Variants in VWF observed in about 807,000 individuals in gnomAD.
VWF encodes von Willebrand factor.
A neutral mutation model predicts 308.6 loss-of-function variants in VWF; 176 were observed. The ratio of observed to expected loss-of-function variants is 0.57; its 90% confidence interval spans 0.50 to 0.65. VWF has a LOEUF of 0.65. VWF is among the 30% of genes least tolerant of loss of function. The probability of loss-of-function intolerance (pLI) is 0.00; values close to 1 mark genes in which losing one functional copy is unlikely to be tolerated. For missense variants in VWF, 3,146 were observed against 3,648.2 expected, an observed-to-expected ratio of 0.86 and a Z score of 3.55; for synonymous variants, 1,385 against 1,443.4, an observed-to-expected ratio of 0.96 and a Z score of 0.92.
intron 4 of VWF, 49 bp from the exon 5 acceptor site, chr12:6,110,631 G>T (rs753526249): frequency 2.0e-5 from 32 of 1,589,898 alleles, no homozygotes; most frequent in Non-Finnish European, 2.8e-5. Context: ...TGCATTTTCT[G>T]GATGTCTCTC....
rs1944262372 is a variant in VWF at position 6,031,499 on chromosome 12, T to C, written c.2765A>G (p.Lys922Arg). ...CTCCACCAGGATGGTGACCCGTTTC[T>C]TGCATTTCACTGAGGGGTGGCTGCA... ...KGCSHPSVKC[K>R]KRVTILVEGG... The change falls in exon 21 of 52, where the codon AAG (lysine) becomes AGG (arginine). Residue 922 changes from lysine to arginine, a missense_variant. Lys to Arg is a conservative substitution (Grantham distance 26). Transcript: ENST00000261405. 6.2e-7 allele frequency: 1 copy of C among 1,614,166 alleles called. No individual in the cohort carries two copies.
chr12:5,979,208 G>C (rs1362136071), intron 42 of VWF, among the ~76,000 whole-genome samples: 1 of 152,186 alleles, frequency 6.6e-6, no homozygotes, highest in African/African-American at 2.4e-5. Flanking sequence ...TTTGTCTAAA[G>C]TAATTTTATT....
chr12:6,011,897 C>A (rs1297687541), intron 33 of VWF, 103 bp from the exon 34 acceptor site: 2 of 1,370,336 alleles, frequency 1.5e-6, no homozygotes, highest in Non-Finnish European at 2.1e-6. Context: ...CACAGGCCTA[C>A]ACAGCAAGGA....
rs1591902164 is a variant in VWF, at chr12:6,075,230, T to G, written c.874+105A>C. 6.9e-7 allele frequency: 1 copy of G among 1,440,214 alleles called. No individual in the cohort carries two copies. Among genetic ancestry groups the G allele is most frequent in the African/African-American group, 1.4e-5 (1 of 71,672 alleles). 89.2% of individuals were successfully genotyped at this position (1,440,214 alleles called of 1,614,324 possible). ...GTAGTCACTGGCTGGCTGGGTGTGGTAAAGCCGCACATACGTGACACAGCC... is the reference window on the plus strand; with the variant it reads ...GTAGTCACTGGCTGGCTGGGTGTGGGAAAGCCGCACATACGTGACACAGCC... On this transcript the variant is annotated intron_variant, in intron 7 of 51. Transcript: ENST00000261405. This position sits in a 1 kb window ranked among gnomAD's most constrained non-coding sequence, Gnocchi z 4.7.
chr12:6,087,876 T>C (rs1944990643), intron 6 of VWF, among the ~76,000 whole-genome samples: 1 of 152,140 alleles, frequency 6.6e-6, no homozygotes, highest in South Asian at 2.1e-4. Flanking sequence ...TGCTGCTGAA[T>C]GATTCACCAC....
rs1040798280 is a variant in VWF at position 5,975,868 on chromosome 12, C to T, written c.7437+243G>A. The stretch of plus-strand genomic sequence containing the variant: ...TTTTCTTCTTACCCAGCCCTAACCC[C>T]CTCCCTCTTCCTCACCCCTAGCCTT... On this transcript the variant is annotated intron_variant, in intron 43 of 51. Transcript: ENST00000261405. 3.3e-5 allele frequency among the ~76,000 whole-genome samples: 5 copies of T among 152,166 alleles called. No individual in the cohort carries two copies. The East Asian group carries it at 7.7e-4, about 23-fold the overall frequency.
At chr12:6,013,362 C>T in intron 32 of VWF, 119 bp downstream of exon 32, 1 of 1,298,978 alleles carries the variant, frequency 7.7e-7, no homozygotes, top group South Asian at 1.2e-5. Flanking sequence ...AATCTTCATT[C>T]AAGGCCAAAT....
At chr12:6,068,728 A>T (rs966565596) in intron 10 of VWF, among the ~76,000 whole-genome samples, 2 of 151,340 alleles carry the variant, frequency 1.3e-5, no homozygotes, top group African/African-American at 4.9e-5. Context: ...ACCTCAAATG[A>T]TCCACCTGCC....
At chr12:6,071,416 A>T (rs2239156) in intron 9 of VWF, 73 bp from the exon 10 acceptor site, 188,839 of 1,545,536 alleles carry the variant, frequency 0.12, 14,368 homozygotes, top group African/African-American at 0.35. Flanking sequence ...TTTAGAGCTC[A>T]TGGTAGTTAT....
rs1319814107 is a variant in VWF, at chr12:6,056,989, G to C, written c.1813C>G (p.Leu605Val). The C allele has an allele frequency of 6.5e-7, 1 of 1,546,070 alleles. No individual in the cohort carries two copies. The highest frequency in any genetic ancestry group is 8.7e-7 in the Non-Finnish European group (1 of 1,150,576). ...CACACGTCGTAGCGGCAGTTCCGCA[G>C]GTAGGGCAGCGGGCTGACGGCACGA... The part of the protein sequence containing the change: ...CHRAVSPLPY[L>V]RNCRYDVCSC... Residue 605 changes from leucine to valine, a missense_variant, in exon 15 of 52, where the codon CTG (leucine) becomes GTG (valine). Coordinates refer to ENST00000261405, the MANE Select transcript of VWF (RefSeq NM_000552.5).
intron 3 of VWF, among the ~76,000 whole-genome samples, chr12:6,117,212 C>G (rs1482647889): frequency 1.3e-5 from 2 of 152,236 alleles, no homozygotes; most frequent in Non-Finnish European, 2.9e-5. Flanking sequence ...CAAGGGCAAA[C>G]AGCTTATAAG....
At chr12:6,009,403 A>G (rs188724127) in intron 34 of VWF, among the ~76,000 whole-genome samples, 17 of 147,332 alleles carry the variant, frequency 1.2e-4, no homozygotes, top group Admixed American at 1.1e-3. Flanking sequence ...ATCACCTCAT[A>G]CGTGCTAGAA....
At chr12:6,089,916 G>A (rs117739966) in intron 6 of VWF, among the ~76,000 whole-genome samples, 16 of 151,926 alleles carry the variant, frequency 1.1e-4, no homozygotes, top group Non-Finnish European at 2.2e-4. Flanking sequence ...ACAACTGTAT[G>A]TTTGGGAAAA....
chr12:6,089,066 A>G (rs1156704550), intron 6 of VWF, among the ~76,000 whole-genome samples: 3 of 152,152 alleles, frequency 2.0e-5, no homozygotes, highest in Non-Finnish European at 2.9e-5. Flanking sequence ...TCCCACACAA[A>G]ACACTCTGCC....
chr12:6,111,081 G>A (rs1454438240), intron 3 of VWF, 113 bp from the exon 4 acceptor site: 3 of 937,610 alleles, frequency 3.2e-6, no homozygotes, highest in East Asian at 2.6e-5. Context: ...GCCCCAAAAA[G>A]TCTTTACAAG....
At chr12:6,029,540 G>A in intron 21 of VWF, 52 bp from the exon 22 acceptor site, 2 of 1,608,210 alleles carry the variant, frequency 1.2e-6, no homozygotes, top group Non-Finnish European at 1.7e-6. Context: ...AGGCTCGACA[G>A]CCAGATCCTC....
chr12:6,098,577 G>A (rs2136504199), intron 5 of VWF, among the ~76,000 whole-genome samples: 1 of 151,702 alleles, frequency 6.6e-6, no homozygotes, highest in South Asian at 2.1e-4. Flanking sequence ...GGGAGATCGA[G>A]ACCATCCTGG....
At chr12:5,967,865 T>G (rs1943421945) in intron 46 of VWF, among the ~76,000 whole-genome samples, 1 of 151,874 alleles carries the variant, frequency 6.6e-6, no homozygotes, top group Non-Finnish European at 1.5e-5. Flanking sequence ...GACTTCAGAG[T>G]GCTTCTCTGC....
At chr12:5,957,102 G>A (rs1391775745) in intron 47 of VWF, among the ~76,000 whole-genome samples, 1 of 152,150 alleles carries the variant, frequency 6.6e-6, no homozygotes, top group Non-Finnish European at 1.5e-5. Flanking sequence ...TAATCATTGT[G>A]TTACAGTTGC....
Sources: allele counts gnomAD v4.1 joint callset (sites outside exome capture counted in the v4.1 genomes callset), GRCh38; gene constraint gnomAD v4.1.1; non-coding constraint Gnocchi (gnomAD v3.1); transcripts MANE v1.5; gene names NCBI Gene and HGNC (gene_info 2026-07-23, HGNC 2026-07-21).